The following CDC42SE2 variants were observed in gnomAD, a reference collection of about 807,000 sequenced individuals.
CDC42SE2 encodes CDC42 small effector 2.
CDC42SE2 carries 3 observed loss-of-function variants against 11.5 expected under a neutral mutation model. The ratio of observed to expected loss-of-function variants is 0.26; its 90% CI spans 0.12 to 0.67. The LOEUF is 0.67. Ranked by LOEUF, CDC42SE2 falls within the 30% of genes least tolerant of loss-of-function variation. The probability of loss-of-function intolerance (pLI) is 0.80; values close to 1 mark genes in which losing one functional copy is unlikely to be tolerated. For synonymous variants in CDC42SE2, 33 were observed against 34.8 expected (o/e 0.95, Z 0.18); for missense variants, 82 against 106.8 (o/e 0.77, Z 1.02).
chr5:131,307,656 T>G (rs1480006532), intron 1 of CDC42SE2, among the ~76,000 whole-genome samples: 2 of 152,194 alleles, frequency 1.3e-5, no homozygotes, highest in Non-Finnish European at 2.9e-5. Flanking sequence ...ACTTCCACAA[T>G]GGTTGAACTA....
upstream of CDC42SE2, among the ~76,000 whole-genome samples, chr5:131,260,074 C>A (rs1036365848): frequency 6.6e-6 from 1 of 152,210 alleles, no homozygotes; most frequent in African/African-American, 2.4e-5. Context: ...ACCAGCACAG[C>A]CTGTTCCAAG....
chr5:131,376,868 C>T (rs1466780042), intron 3 of CDC42SE2, among the ~76,000 whole-genome samples: 9 of 152,122 alleles, frequency 5.9e-5, no homozygotes, highest in African/African-American at 1.9e-4. Flanking sequence ...ATATGTACCA[C>T]GTTTTCTTTA....
the CDC42SE2 span, among the ~76,000 whole-genome samples, chr5:131,217,085 T>G: frequency 6.6e-6 from 1 of 152,212 alleles, no homozygotes; most frequent in Non-Finnish European, 1.5e-5. Flanking sequence ...GCATAATTAT[T>G]TGATAATTTT....
At chr5:131,212,257 G>A in the CDC42SE2 span, among the ~76,000 whole-genome samples, 1 of 151,942 alleles carries the variant, frequency 6.6e-6, no homozygotes. Flanking sequence ...ACAGGAGCCT[G>A]CCACCACGCC....
At chr5:131,262,954 A>T (rs1042243409), upstream of CDC42SE2, among the ~76,000 whole-genome samples, 3 of 112,144 alleles carry the variant, frequency 2.7e-5, no homozygotes, top group Non-Finnish European at 4.7e-5. Context: ...AAAGATGGAG[A>T]ATTTTTTTTT....
At chr5:131,293,487 G>C (rs759476446) in intron 1 of CDC42SE2, among the ~76,000 whole-genome samples, 2 of 151,474 alleles carry the variant, frequency 1.3e-5, no homozygotes, top group Non-Finnish European at 2.9e-5. Flanking sequence ...CAGGAGAATC[G>C]CTTGAACCCG....
At position 131,394,595 on chromosome 5, in the gene CDC42SE2, A is replaced by G. The variant is rs1358288824; in HGVS notation, c.*3504A>G. ...GTACATTGTGTTCATTCTTGAATAA[A>G]ATGAGTTCTGTGTTGGCTTGTAGAT... On this transcript the variant is annotated 3_prime_UTR_variant, in exon 5 of 5. Coordinates refer to ENST00000505065, the MANE Select transcript of CDC42SE2 (RefSeq NM_001375635.1). The G allele has an allele frequency of 6.6e-6, 1 of 152,336 alleles. No homozygotes were observed. Among genetic ancestry groups the G allele is most frequent in the African/African-American group, 2.4e-5 (1 of 41,446 alleles). The allele number at this position is 152,336 out of a possible 1,614,324, so 9.4% of individuals were successfully genotyped here.
intron 2 of CDC42SE2, among the ~76,000 whole-genome samples, chr5:131,324,766 AT>A (rs1352815883): frequency 1.3e-5 from 2 of 152,208 alleles, no homozygotes; most frequent in East Asian, 3.8e-4. Flanking sequence ...GTATAAAAAA[AT>A]ACCCCAGATA....
At chr5:131,282,929 CTTT>C (rs767091920) in intron 1 of CDC42SE2, among the ~76,000 whole-genome samples, 1 of 127,212 alleles carries the variant, frequency 7.9e-6, no homozygotes. Context: ...GCACCTGGCC[CTTT>C]TTTTTTTTTT....
At chr5:131,296,923 T>C (rs140001640) in intron 1 of CDC42SE2, among the ~76,000 whole-genome samples, 1 of 152,224 alleles carries the variant, frequency 6.6e-6, no homozygotes, top group African/African-American at 2.4e-5. Flanking sequence ...AAAGATTTCC[T>C]TGTGGGGAGA....
intron 1 of CDC42SE2, among the ~76,000 whole-genome samples, chr5:131,278,888 G>C (rs941002754): frequency 7.0e-6 from 1 of 142,066 alleles, no homozygotes; most frequent in African/African-American, 2.7e-5. Context: ...AGGTTCAAGT[G>C]ATTCTCCTGC....
At chr5:131,221,290 A>G in the CDC42SE2 span, among the ~76,000 whole-genome samples, 1 of 150,248 alleles carries the variant, frequency 6.7e-6, no homozygotes, top group African/African-American at 2.4e-5. Context: ...ACATTATGAG[A>G]TTTTTTTGCG....
intron 3 of CDC42SE2, among the ~76,000 whole-genome samples, chr5:131,378,124 A>G (rs1750208242): frequency 6.6e-6 from 1 of 152,254 alleles, no homozygotes; most frequent in Admixed American, 6.5e-5. Context: ...AGAACAGGAA[A>G]TATCCAACAG....
At chr5:131,262,262 T>C (rs1438307393), upstream of CDC42SE2, among the ~76,000 whole-genome samples, 1 of 152,076 alleles carries the variant, frequency 6.6e-6, no homozygotes, top group Non-Finnish European at 1.5e-5. Flanking sequence ...TGAAATAGGA[T>C]TGTAGCGTAT....
the CDC42SE2 span, among the ~76,000 whole-genome samples, chr5:131,235,958 C>A: frequency 2.0e-5 from 3 of 152,190 alleles, no homozygotes; most frequent in Non-Finnish European, 4.4e-5. Context: ...ACACATATAA[C>A]TAACCATCAC....
chr5:131,292,719 A>G (rs1757484358), intron 1 of CDC42SE2, among the ~76,000 whole-genome samples: 1 of 151,290 alleles, frequency 6.6e-6, no homozygotes, highest in South Asian at 2.1e-4. Flanking sequence ...ATATGGCAAA[A>G]CCCCATCTCT....
intron 1 of CDC42SE2, among the ~76,000 whole-genome samples, chr5:131,267,867 C>G (rs547541774): frequency 6.6e-6 from 1 of 151,932 alleles, no homozygotes; most frequent in South Asian, 2.1e-4. Context: ...AGATTTTTGT[C>G]AAAATTAAAA....
chr5:131,353,080 C>CT (rs1749397436), intron 2 of CDC42SE2, among the ~76,000 whole-genome samples: 1 of 152,114 alleles, frequency 6.6e-6, no homozygotes, highest in Non-Finnish European at 1.5e-5. Flanking sequence ...ATCCTCCAAA[C>CT]TCAGCCTTCC....
At chr5:131,318,017 A>G (rs540280422) in intron 2 of CDC42SE2, among the ~76,000 whole-genome samples, 5 of 152,212 alleles carry the variant, frequency 3.3e-5, no homozygotes, top group Non-Finnish European at 7.4e-5. Flanking sequence ...CCAAGATGCC[A>G]GGAACCTCTG....
Sources: gnomAD v4.1 joint callset for allele counts (sites outside exome capture counted in the v4.1 genomes callset) on GRCh38, gnomAD v4.1.1 for gene constraint, MANE v1.5 for transcripts, NCBI Gene and HGNC (gene_info 2026-07-23, HGNC 2026-07-21) for gene names.